DRC11: variants seen among roughly 807,000 people sequenced by gnomAD.
DRC11 encodes the protein IQ and AAA domain-containing protein 1.
the DRC11 span, among the ~76,000 whole-genome samples, chr2:236,359,065 A>C: frequency 1.3e-4 from 20 of 151,888 alleles, no homozygotes; most frequent in Non-Finnish European, 2.2e-4. The surrounding 1 kb of genome is among the most constrained non-coding windows in gnomAD (Gnocchi z 4.3). Context: ...CTCATTAGAC[A>C]GGCAAGGGAA....
the DRC11 span, among the ~76,000 whole-genome samples, chr2:236,484,402 A>C: frequency 3.0e-4 from 46 of 152,374 alleles, no homozygotes; most frequent in African/African-American, 1.1e-3. Context: ...AGAAAGATGT[A>C]AGCTAAGCAA....
the DRC11 span, among the ~76,000 whole-genome samples, chr2:236,367,197 C>CACTT: frequency 6.7e-6 from 1 of 149,744 alleles, no homozygotes; most frequent in Non-Finnish European, 1.5e-5. The surrounding 1 kb of genome is among the most constrained non-coding windows in gnomAD (Gnocchi z 4.8). Context: ...TTTCCATTGA[C>CACTT]ACTTATACAT....
chr2:236,459,587 A>ATG, the DRC11 span, among the ~76,000 whole-genome samples: 8 of 145,712 alleles, frequency 5.5e-5, no homozygotes, highest in African/African-American at 2.0e-4. Context: ...ATACGTATAT[A>ATG]CGTATACGTA....
chr2:236,326,939 C>T, the DRC11 span, among the ~76,000 whole-genome samples: 4 of 151,928 alleles, frequency 2.6e-5, no homozygotes, highest in South Asian at 2.1e-4. Flanking sequence ...AGGCTGGTCT[C>T]GAACTCCTGA....
the DRC11 span, among the ~76,000 whole-genome samples, chr2:236,432,091 T>A: frequency 6.6e-6 from 1 of 152,192 alleles, no homozygotes; most frequent in Non-Finnish European, 1.5e-5. Flanking sequence ...TCAGCATTTG[T>A]AATTGTCTTT....
At chr2:236,357,719 T>TAATATATAAATATACATATAATATGTA in the DRC11 span, among the ~76,000 whole-genome samples, 5 of 126,482 alleles carry the variant, frequency 4.0e-5, no homozygotes, top group African/African-American at 1.3e-4. Context: ...TATGTATTTA[T>TAATATATAAATATACATATAATATGTA]AATATATAAA....
the DRC11 span, among the ~76,000 whole-genome samples, chr2:236,429,629 C>G: frequency 1.3e-5 from 2 of 151,940 alleles, no homozygotes. The surrounding 1 kb of genome is among the most constrained non-coding windows in gnomAD (Gnocchi z 5.9). Flanking sequence ...TGCTCTGGGT[C>G]CCTGGCCCAG....
chr2:236,370,604 G>A, the DRC11 span, among the ~76,000 whole-genome samples: 1 of 152,190 alleles, frequency 6.6e-6, no homozygotes, highest in Non-Finnish European at 1.5e-5. The surrounding 1 kb of genome is among the most constrained non-coding windows in gnomAD (Gnocchi z 5.5). Context: ...ACCTAGGGCA[G>A]GGGTGGGGAC....
chr2:236,364,193 A>T, the DRC11 span, among the ~76,000 whole-genome samples: 1 of 134,386 alleles, frequency 7.4e-6, no homozygotes, highest in African/African-American at 2.9e-5. Context: ...GTAGAGCCAT[A>T]GGGTCTCTGC....
chr2:236,349,262 T>C, the DRC11 span, among the ~76,000 whole-genome samples: 6 of 152,196 alleles, frequency 3.9e-5, no homozygotes, highest in African/African-American at 9.7e-5. The surrounding 1 kb of genome is among the most constrained non-coding windows in gnomAD (Gnocchi z 5.5). Flanking sequence ...CAAGGGGCCA[T>C]TGTTCCCTTA....
the DRC11 span, among the ~76,000 whole-genome samples, chr2:236,411,956 T>G: frequency 6.8e-6 from 1 of 147,120 alleles, no homozygotes. Context: ...AGATGACGAG[T>G]TAGTGGGTGC....
At chr2:236,356,939 T>TTA in the DRC11 span, among the ~76,000 whole-genome samples, 1 of 141,098 alleles carries the variant, frequency 7.1e-6, no homozygotes, top group African/African-American at 2.7e-5. Flanking sequence ...TATTTATATA[T>TTA]TATATATTCA....
chr2:236,387,990 C>T, the DRC11 span, among the ~76,000 whole-genome samples: 1 of 152,052 alleles, frequency 6.6e-6, no homozygotes. Flanking sequence ...AATATTGGCC[C>T]CCACTCTCTT....
chr2:236,364,774 C>T, the DRC11 span, among the ~76,000 whole-genome samples: 4 of 152,232 alleles, frequency 2.6e-5, no homozygotes, highest in South Asian at 2.1e-4. Flanking sequence ...TGTTAGTTTG[C>T]GTTCTGTCAC....
At chr2:236,503,847 C>T in the DRC11 span, 1 of 696,638 alleles carries the variant, frequency 1.4e-6, no homozygotes, top group Non-Finnish European at 2.5e-6. This position sits in a 1 kb window ranked among gnomAD's most constrained non-coding sequence, Gnocchi z 4.9. Flanking sequence ...GCCTTGCGCC[C>T]CACCTCCTCG....
chr2:236,358,196 T>C, the DRC11 span, among the ~76,000 whole-genome samples: 2 of 85,184 alleles, frequency 2.3e-5, no homozygotes, highest in Admixed American at 1.1e-4. Context: ...GAATATATAA[T>C]ATATATACTA....
the DRC11 span, among the ~76,000 whole-genome samples, chr2:236,401,559 T>A: frequency 1.3e-5 from 2 of 152,156 alleles, no homozygotes; most frequent in African/African-American, 4.8e-5. This position sits in a 1 kb window ranked among gnomAD's most constrained non-coding sequence, Gnocchi z 4.6. Context: ...CAATGTGGTA[T>A]TTCCATACAA....
chr2:236,313,379 T>C, the DRC11 span, among the ~76,000 whole-genome samples: 4 of 152,206 alleles, frequency 2.6e-5, no homozygotes, highest in Non-Finnish European at 5.9e-5. This position sits in a 1 kb window ranked among gnomAD's most constrained non-coding sequence, Gnocchi z 4.5. Context: ...ATTACATATA[T>C]ATCAGGCAAA....
the DRC11 span, among the ~76,000 whole-genome samples, chr2:236,413,347 A>G: frequency 2.0e-5 from 3 of 151,924 alleles, no homozygotes; most frequent in African/African-American, 7.3e-5. The surrounding 1 kb of genome is among the most constrained non-coding windows in gnomAD (Gnocchi z 4.0). Flanking sequence ...CCACAAGCCA[A>G]CCTCTCACTT....
Sources: gnomAD v4.1 joint callset for allele counts (sites outside exome capture counted in the v4.1 genomes callset) on GRCh38, gnomAD v4.1.1 for gene constraint, Gnocchi (gnomAD v3.1) non-coding constraint, MANE v1.5 for transcripts, NCBI Gene and HGNC (gene_info 2026-07-23, HGNC 2026-07-21) for gene names.